PALD1: variants seen among roughly 807,000 people sequenced by gnomAD.
PALD1 encodes the protein paladin.
In PALD1, 57 loss-of-function variants were observed where a neutral mutation model predicts 96.0. That is an observed-to-expected ratio of 0.59 (90% CI 0.48 to 0.74). PALD1 has a LOEUF of 0.74. PALD1 is among the 30% of genes least tolerant of loss of function. PALD1 has a pLI of 0.00. For synonymous variants in PALD1, 464 were observed against 473.6 expected, an observed-to-expected ratio of 0.98 and a Z score of 0.26; for missense variants, 1,063 against 1,143.7, an observed-to-expected ratio of 0.93 and a Z score of 1.02.
intron 18 of PALD1, among the ~76,000 whole-genome samples, chr10:70,556,715 A>G (rs868765599): frequency 2.6e-5 from 4 of 152,152 alleles, no homozygotes; most frequent in Non-Finnish European, 1.5e-5. Flanking sequence ...ACAAACATCC[A>G]TTGAGCAGCT....
intron 18 of PALD1, among the ~76,000 whole-genome samples, chr10:70,555,723 C>T (rs894429507): frequency 2.0e-5 from 3 of 152,198 alleles, no homozygotes; most frequent in Admixed American, 6.5e-5. Flanking sequence ...GGCTGTTGGC[C>T]GGGCGCAGTG....
intron 1 of PALD1, among the ~76,000 whole-genome samples, chr10:70,521,522 G>A (rs544641087): frequency 6.6e-6 from 1 of 152,120 alleles, no homozygotes; most frequent in East Asian, 1.9e-4. Flanking sequence ...TTCCCTTAAA[G>A]CAAGGTTTCC....
chr10:70,539,184 G>A lies in PALD1; in HGVS notation c.1662G>A (p.Glu554=). ...WVSLREEAVL[E]CDGHTYSLRW... ...GCCTTCGGGAGGAGGCCGTGTTGGA[G>A]TGTGACGGGCACACCTACAGCCTGC... Residue 554 remains glutamate, a synonymous_variant, in exon 14 of 20, where the codon GAG becomes GAA. Coordinates refer to ENST00000263563, the MANE Select transcript of PALD1 (RefSeq NM_014431.3). This position sits in a 1 kb window ranked among gnomAD's most constrained non-coding sequence, Gnocchi z 4.5. 1 of 1,613,262 alleles carries A rather than the reference G, an allele frequency of 6.2e-7. No homozygotes were observed.
In PALD1 at chr10:70,541,241, A is replaced by G; in HGVS notation, c.2048A>G (p.Gln683Arg). Residue 683 changes from glutamine (Q) to arginine (R), a missense_variant and splice_region_variant, in exon 16 of 20, where the codon CAA becomes CGA. Gln to Arg is a conservative substitution (Grantham distance 43). Coordinates refer to ENST00000263563, the MANE Select transcript of PALD1 (RefSeq NM_014431.3). Reference sequence around the variant, plus strand: ...GCTGTCCTGGCCTTCTGGCACATCCAAGTACGTGTGGCCTCTCAAGTGAGA... The same window carrying G: ...GCTGTCCTGGCCTTCTGGCACATCCGAGTACGTGTGGCCTCTCAAGTGAGA... Reference protein sequence around the residue: ...VVAVLAFWHIQGFPEVGEEEL... With the variant: ...VVAVLAFWHIRGFPEVGEEEL... 6.2e-7 allele frequency: 1 copy of G among 1,603,686 alleles called. No individual in the cohort carries two copies. The highest frequency in any genetic ancestry group is 8.5e-7 in the Non-Finnish European group (1 of 1,175,086).
rs767490015 is a variant in PALD1 at position 70,534,467 on chromosome 10, C to G, written c.1065C>G (p.Phe355Leu). 5 of 1,612,942 alleles carry G rather than the reference C, an allele frequency of 3.1e-6. No individual in the cohort carries two copies. Among genetic ancestry groups the G allele is most frequent in the Non-Finnish European group, 4.2e-6 (5 of 1,179,586 alleles). Reference protein sequence around the residue: ...TQAKPLPMEQFQVIQSFLRMV... With the variant: ...TQAKPLPMEQLQVIQSFLRMV... ...CCAAGCCCCTGCCTATGGAGCAGTT[C>G]CAGGTGATCCAGAGCTTTCTCCGCA... is the stretch of plus-strand genomic sequence containing the variant. Residue 355 changes from phenylalanine (F) to leucine (L), a missense_variant, in exon 9 of 20, where the codon TTC becomes TTG. Phe to Leu is a conservative substitution (Grantham distance 22). Transcript: ENST00000263563.
In PALD1 at chr10:70,525,908, C is replaced by A. The variant is rs1354468676; in HGVS notation, c.-29-15C>A. ...TCCCATCCCCTCCTTCACTGCACAC[C>A]CTCTTATCCTACAGGTCTGGGGTCC... On this transcript the variant is annotated splice_polypyrimidine_tract_variant and intron_variant, in intron 1 of 19. Coordinates refer to ENST00000263563, the MANE Select transcript of PALD1 (RefSeq NM_014431.3). The A allele has an allele frequency of 6.2e-7, 1 of 1,606,578 alleles. No individual in the cohort carries two copies.
At chr10:70,555,861 C>T (rs1040759003) in intron 18 of PALD1, among the ~76,000 whole-genome samples, 7 of 152,090 alleles carry the variant, frequency 4.6e-5, no homozygotes, top group African/African-American at 1.4e-4. Context: ...ATTAGCCGCG[C>T]GAGGTGGCGG....
At position 70,540,624 on chromosome 10, in the gene PALD1, G is replaced by A. The variant is rs1425950650; in HGVS notation, c.1909-478G>A. The stretch of plus-strand genomic sequence containing the variant: ...TTACCCTGCCTGAGCCCCTCCTGGC[G>A]CATCTCTTCGCGGCTCTCACTGCCT... On this transcript the variant is annotated intron_variant, in intron 15 of 19. Transcript: ENST00000263563. This position sits in a 1 kb window ranked among gnomAD's most constrained non-coding sequence, Gnocchi z 4.2. Among the ~76,000 whole-genome samples, 4 of 152,116 alleles carry A rather than the reference G, an allele frequency of 2.6e-5. No individual in the cohort carries two copies. The highest frequency in any genetic ancestry group is 2.1e-4 in the South Asian group (1 of 4,826).
chr10:70,461,659 CG>C, the PALD1 span, among the ~76,000 whole-genome samples: 3 of 152,168 alleles, frequency 2.0e-5, no homozygotes, highest in Admixed American at 2.0e-4. Flanking sequence ...ATGCAAATCC[CG>C]GGGCCCCCAC....
At chr10:70,507,765 G>A (rs1420984960) in intron 1 of PALD1, among the ~76,000 whole-genome samples, 1 of 97,362 alleles carries the variant, frequency 1.0e-5, no homozygotes, top group Non-Finnish European at 2.3e-5. Context: ...GTGTGTGTGT[G>A]TGTGTGTGTG....
chr10:70,564,265 G>T (rs1356345194), intron 18 of PALD1, 99 bp from the exon 19 acceptor site: 45 of 1,293,214 alleles, frequency 3.5e-5, no homozygotes, highest in Non-Finnish European at 3.3e-5. Flanking sequence ...TCTGAGGCTG[G>T]ATCACCCTGC....
the PALD1 span, among the ~76,000 whole-genome samples, chr10:70,460,265 C>G: frequency 1.3e-5 from 2 of 152,150 alleles, no homozygotes; most frequent in African/African-American, 4.8e-5. Flanking sequence ...TTACTTGCCT[C>G]TCCTGGAGGG....
chr10:70,511,828 AC>A (rs1846521374), intron 1 of PALD1, among the ~76,000 whole-genome samples: 1 of 152,224 alleles, frequency 6.6e-6, no homozygotes, highest in African/African-American at 2.4e-5. Flanking sequence ...GGAGTTCGAG[AC>A]CAGCCTGGCC....
At position 70,508,575 on chromosome 10, in the gene PALD1, G is replaced by A. The variant is rs913038513; in HGVS notation, c.-29-17348G>A. Among the ~76,000 whole-genome samples, 7 of 152,226 alleles carry A rather than the reference G, an allele frequency of 4.6e-5. No individual in the cohort carries two copies. In the East Asian group the frequency reaches 1.2e-3, roughly 25 times the overall value. On this transcript the variant is annotated intron_variant, in intron 1 of 19. Coordinates refer to ENST00000263563, the MANE Select transcript of PALD1 (RefSeq NM_014431.3). ...CGTGCCCAGTGATGCGCATGAGCACGAGGTGCCATAGAGAGTGAGGAGCAG... is the reference window on the plus strand; with the variant it reads ...CGTGCCCAGTGATGCGCATGAGCACAAGGTGCCATAGAGAGTGAGGAGCAG...
intron 18 of PALD1, among the ~76,000 whole-genome samples, chr10:70,550,162 A>C (rs1392166823): frequency 6.6e-6 from 1 of 152,208 alleles, no homozygotes; most frequent in Non-Finnish European, 1.5e-5. Context: ...GAGATCTGAG[A>C]GCTTTAAACC....
At chr10:70,513,393 T>C (rs1440899862) in intron 1 of PALD1, among the ~76,000 whole-genome samples, 1 of 152,120 alleles carries the variant, frequency 6.6e-6, no homozygotes, top group African/African-American at 2.4e-5. Context: ...ATGCCTGTAG[T>C]CCCAGCTACT....
At chr10:70,471,761 A>G in the PALD1 span, among the ~76,000 whole-genome samples, 2 of 152,354 alleles carry the variant, frequency 1.3e-5, no homozygotes, top group South Asian at 4.1e-4. Flanking sequence ...TGTCATTTGC[A>G]TGGATACTGC....
intron 2 of PALD1, among the ~76,000 whole-genome samples, chr10:70,526,710 G>A (rs1282184702): frequency 6.6e-6 from 1 of 152,148 alleles, no homozygotes; most frequent in Non-Finnish European, 1.5e-5. Context: ...TGTGGGGCTT[G>A]GAGGAAGGGG....
intron 18 of PALD1, among the ~76,000 whole-genome samples, chr10:70,555,194 C>T (rs1283072929): frequency 6.6e-6 from 1 of 150,478 alleles, no homozygotes; most frequent in African/African-American, 2.5e-5. Context: ...AGGCTGGTCT[C>T]AAACTCCTGG....
Sources: gnomAD v4.1 joint callset for allele counts (sites outside exome capture counted in the v4.1 genomes callset) on GRCh38, gnomAD v4.1.1 for gene constraint, Gnocchi (gnomAD v3.1) non-coding constraint, MANE v1.5 for transcripts, NCBI Gene and HGNC (gene_info 2026-07-23, HGNC 2026-07-21) for gene names.